The following CEP164 variants were observed in gnomAD, a reference collection of about 807,000 sequenced individuals.
The protein encoded by CEP164 is centrosomal protein 164.
A neutral mutation model predicts 182.7 loss-of-function variants in CEP164; 162 were observed. The observed-to-expected ratio is 0.89, with a 90% CI of 0.78 to 1.01. The LOEUF is 1.01. Among genes scored for constraint, CEP164 ranks in the 50% least tolerant of loss-of-function variants. CEP164 has a pLI of 0.00. For missense variants in CEP164, 1,735 were observed against 1,790.4 expected (o/e 0.97, Z 0.56); for synonymous variants, 661 against 690.0 (o/e 0.96, Z 0.66).
intron 27 of CEP164, among the ~76,000 whole-genome samples, 168 bp downstream of exon 27, chr11:117,397,481 C>A (rs983811025): frequency 1.3e-5 from 2 of 152,222 alleles, no homozygotes; most frequent in Non-Finnish European, 2.9e-5. Flanking sequence ...AGTATGCAAA[C>A]ACCTTTTCTA....
At chr11:117,404,747 G>T (rs541306182) in intron 27 of CEP164, among the ~76,000 whole-genome samples, 1 of 152,286 alleles carries the variant, frequency 6.6e-6, no homozygotes, top group East Asian at 1.9e-4. Flanking sequence ...CTGAAGGTGC[G>T]CCCACAGCTG....
Position 117,411,034 on chromosome 11 carries a change from G to A in CEP164, c.4163+140G>A. ...ATCAGGCAGGCCTCTAGTCCACAGAGCTGTCCCCGCTTGCCTGGGTCTGAG... is the reference window on the plus strand; with the variant it reads ...ATCAGGCAGGCCTCTAGTCCACAGAACTGTCCCCGCTTGCCTGGGTCTGAG... On this transcript the variant is annotated intron_variant, in intron 31 of 32. Transcript: ENST00000278935. This position sits in a 1 kb window ranked among gnomAD's most constrained non-coding sequence, Gnocchi z 4.4. 1 of 725,112 alleles carries A rather than the reference G, an allele frequency of 1.4e-6. No homozygotes were observed. The highest frequency in any genetic ancestry group is 2.8e-5 in the East Asian group (1 of 36,360). The allele number at this position is 725,112 out of a possible 1,614,324, so 44.9% of individuals were successfully genotyped here.
At chr11:117,336,202 C>T in intron 2 of CEP164, 5 of 1,590,072 alleles carry the variant, frequency 3.1e-6, no homozygotes, top group South Asian at 2.2e-5. Flanking sequence ...GGCCTGTATT[C>T]AGTCAGAATC....
chr11:117,383,765 G>A (rs950313388), intron 14 of CEP164, among the ~76,000 whole-genome samples: 2 of 152,142 alleles, frequency 1.3e-5, no homozygotes, highest in Non-Finnish European at 2.9e-5. Flanking sequence ...GGCCGGGCGC[G>A]GTGGCTCACA....
chr11:117,346,908 T>C (rs2135331534), intron 4 of CEP164, among the ~76,000 whole-genome samples: 1 of 152,272 alleles, frequency 6.6e-6, no homozygotes, highest in East Asian at 1.9e-4. Flanking sequence ...ATATATATTT[T>C]ACCCTTCTTC....
chr11:117,337,015 G>A (rs2037252378), intron 2 of CEP164, among the ~76,000 whole-genome samples: 1 of 152,130 alleles, frequency 6.6e-6, no homozygotes, highest in Admixed American at 6.5e-5. Context: ...AAGTGCACCA[G>A]CTTCTCAGTT....
Position 117,391,099 on chromosome 11 carries a change from GAGC to G in CEP164, c.2171_2173del (p.Gln724del). 1 of 1,614,096 alleles carries G rather than the reference GAGC, an allele frequency of 6.2e-7. No homozygotes were observed. The highest frequency in any genetic ancestry group is 8.5e-7 in the Non-Finnish European group (1 of 1,180,024). On this transcript the variant is annotated inframe_deletion, in exon 17 of 33. Coordinates refer to ENST00000278935, the MANE Select transcript of CEP164 (RefSeq NM_014956.5). ...GGAACAGAAAAATAGGCAAATGCTGGAGCAGCTCAAGGAAGAGATAGAGGCTTC... is the reference window on the plus strand; with the variant it reads ...GGAACAGAAAAATAGGCAAATGCTGGAGCTCAAGGAAGAGATAGAGGCTTC...
chr11:117,333,379 C>G (rs1420849248), intron 1 of CEP164, among the ~76,000 whole-genome samples: 1 of 152,194 alleles, frequency 6.6e-6, no homozygotes, highest in Admixed American at 6.5e-5. Flanking sequence ...TTGCCTCTTA[C>G]CTAGCCTAGC....
At chr11:117,380,519 C>A in intron 11 of CEP164, 95 bp from the exon 12 acceptor site, 1 of 962,620 alleles carries the variant, frequency 1.0e-6, no homozygotes, top group Non-Finnish European at 1.6e-6. Flanking sequence ...AGCAACTTCT[C>A]AGTGCTTTCG....
intron 5 of CEP164, chr11:117,359,594 C>A: frequency 1.0e-6 from 1 of 985,386 alleles, no homozygotes; most frequent in Non-Finnish European, 1.2e-6. Flanking sequence ...CTCAGCCTGA[C>A]CGCCTCTGGG....
At chr11:117,322,757 ATTTTTTTTT>A (rs34284352) in intron 1 of CEP164, among the ~76,000 whole-genome samples, 43 of 47,762 alleles carry the variant, frequency 9.0e-4, no homozygotes, top group Admixed American at 1.7e-3. Context: ...ATATAGATAG[ATTTTTTTTT>A]TTTTTTTTTT....
chr11:117,360,475 G>A (rs114361457), intron 5 of CEP164, among the ~76,000 whole-genome samples: 1 of 152,148 alleles, frequency 6.6e-6, no homozygotes. Context: ...GGCTCAAGCA[G>A]TCCATCCTCC....
At chr11:117,329,474 G>T (rs1405748899) in intron 1 of CEP164, among the ~76,000 whole-genome samples, 1 of 152,200 alleles carries the variant, frequency 6.6e-6, no homozygotes. Flanking sequence ...GGGCTTTGGA[G>T]TCAGACATGG....
chr11:117,396,296 C>A, intron 25 of CEP164, 116 bp downstream of exon 25: 1 of 1,218,202 alleles, frequency 8.2e-7, no homozygotes. Context: ...AGGGGTGGAG[C>A]CTCAGGAGGG....
In CEP164 at chr11:117,329,775, C is replaced by T. The variant is rs532222268; in HGVS notation, c.-98+1871C>T. Among the ~76,000 whole-genome samples the T allele has an allele frequency of 2.7e-5, 4 of 148,834 alleles. No individual in the cohort carries two copies. The South Asian group carries it at 8.7e-4, about 32-fold the overall frequency. ...CAGGCTGGTCAGGATCTCCTGACCT[C>T]ATTATCCGCCCACCTCCGCCTCCCA... On this transcript the variant is annotated intron_variant, in intron 1 of 32. Transcript: ENST00000278935.
upstream of CEP164, among the ~76,000 whole-genome samples, chr11:117,324,566 G>C (rs2035363301): frequency 6.6e-6 from 1 of 152,138 alleles, no homozygotes; most frequent in African/African-American, 2.4e-5. Flanking sequence ...AAACCTATGG[G>C]GAAACCTGAT....
At chr11:117,399,087 C>A (rs2045855314) in intron 27 of CEP164, among the ~76,000 whole-genome samples, 1 of 152,148 alleles carries the variant, frequency 6.6e-6, no homozygotes, top group Admixed American at 6.5e-5. Context: ...CTGCACCCAA[C>A]AACCGGTCAT....
intron 5 of CEP164, among the ~76,000 whole-genome samples, chr11:117,361,055 C>T (rs1398204629): frequency 6.6e-6 from 1 of 151,266 alleles, no homozygotes; most frequent in East Asian, 1.9e-4. Context: ...CTGCCTCAGC[C>T]TCCTGAGTAT....
rs745524924 is a variant in CEP164, at chr11:117,410,171, C to A, written c.4096+206C>A. 20 of 683,048 alleles carry A rather than the reference C, an allele frequency of 2.9e-5. No homozygotes were observed. In the Admixed American group the frequency reaches 4.1e-4, roughly 14 times the overall value. 42.3% of individuals were successfully genotyped at this position (683,048 alleles called of 1,614,324 possible). On this transcript the variant is annotated intron_variant, in intron 30 of 32. Coordinates refer to ENST00000278935, the MANE Select transcript of CEP164 (RefSeq NM_014956.5). ...CTGGGGAAGGAGACATTGCAGGTGG[C>A]CCTGCAGCCAGGAGTTCTATGGGTT...
Sources: allele counts gnomAD v4.1 joint callset (sites outside exome capture counted in the v4.1 genomes callset), GRCh38; gene constraint gnomAD v4.1.1; non-coding constraint Gnocchi (gnomAD v3.1); transcripts MANE v1.5; gene names NCBI Gene and HGNC (gene_info 2026-07-23, HGNC 2026-07-21).